Variants in ST6GALNAC5 observed in about 807,000 individuals in gnomAD.
The protein encoded by ST6GALNAC5 is alpha-N-acetylgalactosaminide alpha-2,6-sialyltransferase 5.
A neutral mutation model predicts 33.6 loss-of-function variants in ST6GALNAC5; 27 were observed. The ratio of observed to expected loss-of-function variants is 0.80; its 90% CI spans 0.59 to 1.11. The LOEUF is 1.11. Ranked by LOEUF, ST6GALNAC5 falls within the 50% of genes least tolerant of loss-of-function variation. The probability of loss-of-function intolerance (pLI) is 0.00; values close to 1 mark genes in which losing one functional copy is unlikely to be tolerated. For missense variants in ST6GALNAC5, 428 were observed against 454.0 expected (o/e 0.94, Z 0.52); for synonymous variants, 194 against 171.2 (o/e 1.13, Z -1.04).
intron 2 of ST6GALNAC5, among the ~76,000 whole-genome samples, chr1:76,870,399 A>T (rs1397499106): frequency 6.6e-6 from 1 of 152,232 alleles, no homozygotes; most frequent in Non-Finnish European, 1.5e-5. Flanking sequence ...CAGCATCAAA[A>T]GGTAAATTTG....
chr1:76,870,972 C>A (rs1390845340), intron 2 of ST6GALNAC5, among the ~76,000 whole-genome samples: 1 of 152,238 alleles, frequency 6.6e-6, no homozygotes, highest in Non-Finnish European at 1.5e-5. Flanking sequence ...TTAACTGATT[C>A]TCTTTACCGC....
intron 2 of ST6GALNAC5, among the ~76,000 whole-genome samples, chr1:76,946,131 A>C (rs1319580067): frequency 2.0e-5 from 3 of 152,108 alleles, no homozygotes; most frequent in Non-Finnish European, 1.5e-5. Flanking sequence ...AGGTGGCCTA[A>C]ACAAAAGCTT....
intron 2 of ST6GALNAC5, among the ~76,000 whole-genome samples, chr1:76,926,553 T>C (rs1253473575): frequency 6.6e-5 from 10 of 152,216 alleles, no homozygotes; most frequent in Admixed American, 6.5e-4. Flanking sequence ...AATGGACAGA[T>C]AGATGTTCTA....
At chr1:77,048,235 C>T (rs1652081709) in intron 3 of ST6GALNAC5, among the ~76,000 whole-genome samples, 1 of 152,172 alleles carries the variant, frequency 6.6e-6, no homozygotes, top group African/African-American at 2.4e-5. Flanking sequence ...GGGAGAGTTT[C>T]TGCCCTTGGA....
intron 2 of ST6GALNAC5, among the ~76,000 whole-genome samples, chr1:76,977,863 T>A (rs556354190): frequency 1.3e-5 from 2 of 152,314 alleles, no homozygotes; most frequent in South Asian, 4.1e-4. Context: ...CTGTATCATA[T>A]GATAGTTCTA....
intron 2 of ST6GALNAC5, among the ~76,000 whole-genome samples, chr1:76,977,977 C>T (rs1413395641): frequency 6.6e-6 from 1 of 152,136 alleles, no homozygotes; most frequent in African/African-American, 2.4e-5. Context: ...CACATTCTCT[C>T]CAGCATTTGT....
At chr1:76,950,941 C>T (rs955475108) in intron 2 of ST6GALNAC5, among the ~76,000 whole-genome samples, 1 of 151,798 alleles carries the variant, frequency 6.6e-6, no homozygotes, top group African/African-American at 2.4e-5. Context: ...TCACGAACCA[C>T]CTGTGATAAA....
intron 2 of ST6GALNAC5, among the ~76,000 whole-genome samples, chr1:76,928,659 G>T (rs1647108359): frequency 6.6e-6 from 1 of 152,050 alleles, no homozygotes; most frequent in Non-Finnish European, 1.5e-5. Flanking sequence ...GCCTTATTTT[G>T]CAAATGGGCA....
At chr1:76,948,984 G>A (rs1006173786) in intron 2 of ST6GALNAC5, among the ~76,000 whole-genome samples, 1 of 152,114 alleles carries the variant, frequency 6.6e-6, no homozygotes, top group Non-Finnish European at 1.5e-5. Context: ...ACTCCATCCT[G>A]AGGCTGTGCT....
Position 76,868,428 on chromosome 1 carries a change from C to A in ST6GALNAC5, c.16-69C>A, listed in dbSNP as rs1653403628. The A allele has an allele frequency of 6.5e-7, 1 of 1,537,230 alleles. No individual in the cohort carries two copies. Among genetic ancestry groups the A allele is most frequent in the Non-Finnish European group, 8.8e-7 (1 of 1,140,312 alleles). On this transcript the variant is annotated intron_variant, in intron 1 of 4. Coordinates refer to ENST00000477717, the MANE Select transcript of ST6GALNAC5 (RefSeq NM_030965.3). This position sits in a 1 kb window ranked among gnomAD's most constrained non-coding sequence, Gnocchi z 4.3. ...CTAGAGTGACCACCGCACAGTTGTC[C>A]CCGCTGGGCGCGCTCCTCCGGTGTC...
chr1:76,931,788 C>G (rs141412780), intron 2 of ST6GALNAC5, among the ~76,000 whole-genome samples: 1 of 152,062 alleles, frequency 6.6e-6, no homozygotes, highest in Non-Finnish European at 1.5e-5. Flanking sequence ...AGTTGGAATA[C>G]TGAAATGGAT....
At chr1:77,050,840 G>A (rs1396399838) in intron 4 of ST6GALNAC5, among the ~76,000 whole-genome samples, 1 of 152,202 alleles carries the variant, frequency 6.6e-6, no homozygotes, top group Non-Finnish European at 1.5e-5. Context: ...AAAAGCACAG[G>A]CATAAATATT....
intron 2 of ST6GALNAC5, among the ~76,000 whole-genome samples, chr1:76,978,891 C>A (rs967783847): frequency 2.0e-5 from 3 of 151,898 alleles, no homozygotes; most frequent in African/African-American, 7.3e-5. Context: ...AAGATTGCAC[C>A]AAAAAACTGT....
intron 2 of ST6GALNAC5, among the ~76,000 whole-genome samples, chr1:76,873,145 G>A (rs1054785012): frequency 2.0e-5 from 3 of 152,066 alleles, no homozygotes; most frequent in Non-Finnish European, 4.4e-5. Flanking sequence ...TCTGCCTCAG[G>A]ACCTTTGCAC....
In ST6GALNAC5 at chr1:76,868,685, C is replaced by G; in HGVS notation, c.204C>G (p.Pro68=). ...CGGAGAGCAGCACCCAGCAGCGCCC[C>G]GGGGTCCCCGCGGGACCGCGGCCAC... ...PAAESSTQQR[P]GVPAGPRPLD... Residue 68 remains proline, a synonymous_variant, in exon 2 of 5, where the codon CCC becomes CCG. Coordinates refer to ENST00000477717, the MANE Select transcript of ST6GALNAC5 (RefSeq NM_030965.3). This position sits in a 1 kb window ranked among gnomAD's most constrained non-coding sequence, Gnocchi z 4.3. The G allele has an allele frequency of 6.4e-7, 1 of 1,555,316 alleles. No individual in the cohort carries two copies. The highest frequency in any genetic ancestry group is 1.2e-5 in the South Asian group (1 of 85,754).
At chr1:76,924,918 A>C (rs1647070670) in intron 2 of ST6GALNAC5, among the ~76,000 whole-genome samples, 1 of 152,228 alleles carries the variant, frequency 6.6e-6, no homozygotes, top group South Asian at 2.1e-4. Flanking sequence ...TAATACTATA[A>C]AGGAATACCT....
intron 4 of ST6GALNAC5, chr1:77,060,243 C>A (rs866098728): frequency 6.6e-6 from 1 of 152,202 alleles, no homozygotes. Flanking sequence ...GCCCGCATAT[C>A]CTTTCCTTCA....
chr1:76,966,960 G>C (rs533058690), intron 2 of ST6GALNAC5, among the ~76,000 whole-genome samples: 2 of 152,282 alleles, frequency 1.3e-5, no homozygotes, highest in South Asian at 2.1e-4. Context: ...CTTGATCGTG[G>C]TGCATAAGCT....
chr1:76,935,240 G>C (rs1040396484), intron 2 of ST6GALNAC5, among the ~76,000 whole-genome samples: 5 of 152,068 alleles, frequency 3.3e-5, no homozygotes, highest in African/African-American at 1.2e-4. Context: ...AATAACGACA[G>C]TGTGTCAAAG....
Sources: gnomAD v4.1 joint callset for allele counts (sites outside exome capture counted in the v4.1 genomes callset) on GRCh38, gnomAD v4.1.1 for gene constraint, Gnocchi (gnomAD v3.1) non-coding constraint, MANE v1.5 for transcripts, NCBI Gene and HGNC (gene_info 2026-07-23, HGNC 2026-07-21) for gene names.